KCNIP4: variants seen among roughly 807,000 people sequenced by gnomAD.
The protein encoded by KCNIP4 is potassium voltage-gated channel interacting protein 4.
In KCNIP4, 12 loss-of-function variants were observed where a neutral mutation model predicts 34.0. That is an observed-to-expected ratio of 0.35 (90% CI 0.23 to 0.57). The LOEUF is 0.57. Among genes scored for constraint, KCNIP4 ranks in the 20% least tolerant of loss-of-function variants. The pLI is 0.83. For missense variants in KCNIP4, 238 were observed against 311.7 expected (o/e 0.76, Z 1.78); for synonymous variants, 124 against 102.2 (o/e 1.21, Z -1.29).
chr4:20,921,040 G>T (rs373488606), intron 1 of KCNIP4, among the ~76,000 whole-genome samples: 2 of 152,050 alleles, frequency 1.3e-5, no homozygotes, highest in East Asian at 3.9e-4. Context: ...GGATAGAGGA[G>T]GAATTTGAGT....
chr4:20,756,870 C>G (rs565623953), intron 4 of KCNIP4, among the ~76,000 whole-genome samples: 1 of 152,104 alleles, frequency 6.6e-6, no homozygotes, highest in Admixed American at 6.5e-5. Context: ...GACATGTGTT[C>G]TGGAGTTTCA....
chr4:21,186,426 G>A (rs1005422013), intron 1 of KCNIP4, among the ~76,000 whole-genome samples: 17 of 152,232 alleles, frequency 1.1e-4, no homozygotes, highest in African/African-American at 3.6e-4. Context: ...TAAGAAAGTC[G>A]AAGTAGGGAT....
At chr4:21,384,394 T>C (rs1376983865) in intron 1 of KCNIP4, among the ~76,000 whole-genome samples, 3 of 152,200 alleles carry the variant, frequency 2.0e-5, no homozygotes, top group Non-Finnish European at 4.4e-5. Flanking sequence ...AATAAGTATG[T>C]GTTGAATGAG....
intron 1 of KCNIP4, among the ~76,000 whole-genome samples, chr4:21,339,325 T>A (rs1188557542): frequency 6.6e-6 from 1 of 152,180 alleles, no homozygotes; most frequent in African/African-American, 2.4e-5. Context: ...TTAGAAGAAG[T>A]AACACACGGT....
chr4:21,457,797 C>A (rs1332283208), intron 1 of KCNIP4, among the ~76,000 whole-genome samples: 1 of 151,946 alleles, frequency 6.6e-6, no homozygotes, highest in Non-Finnish European at 1.5e-5. Context: ...GAATGTAGTC[C>A]ATCATTGCTC....
chr4:21,763,019 C>T (rs1218968021), intron 1 of KCNIP4: 4 of 1,288,660 alleles, frequency 3.1e-6, no homozygotes, highest in African/African-American at 1.5e-5. Context: ...ACAGCGAATG[C>T]TCAATAACCG....
At chr4:21,107,788 AG>A (rs1469374781) in intron 1 of KCNIP4, among the ~76,000 whole-genome samples, 1 of 151,428 alleles carries the variant, frequency 6.6e-6, no homozygotes, top group Admixed American at 6.6e-5. Context: ...CTTTTAGGGC[AG>A]GCCTGGTGGT....
chr4:20,869,063 G>A (rs1016162790), intron 2 of KCNIP4, among the ~76,000 whole-genome samples: 1 of 152,130 alleles, frequency 6.6e-6, no homozygotes, highest in Admixed American at 6.6e-5. Context: ...AGATGTTACT[G>A]TGTTGCCTTA....
intron 1 of KCNIP4, among the ~76,000 whole-genome samples, chr4:21,527,472 C>A (rs1736069368): frequency 6.6e-6 from 1 of 152,094 alleles, no homozygotes; most frequent in Non-Finnish European, 1.5e-5. Flanking sequence ...GGACTTGGTT[C>A]AAATTCTGGT....
chr4:21,477,687 G>C (rs150209049), intron 1 of KCNIP4, among the ~76,000 whole-genome samples: 352 of 152,174 alleles, frequency 2.3e-3, no homozygotes, highest in African/African-American at 7.8e-3. Flanking sequence ...TTCTCACCAG[G>C]CTCCCTCAAA....
intron 1 of KCNIP4, among the ~76,000 whole-genome samples, chr4:21,430,925 C>CAA (rs138940163): frequency 6.4e-5 from 9 of 139,616 alleles, no homozygotes; most frequent in African/African-American, 2.4e-4. Flanking sequence ...AAAGACTTTC[C>CAA]AAAAAAAAAA....
intron 1 of KCNIP4, among the ~76,000 whole-genome samples, chr4:21,896,375 G>A (rs1346777300): frequency 1.3e-5 from 2 of 152,160 alleles, no homozygotes; most frequent in Non-Finnish European, 2.9e-5. Flanking sequence ...CAAAGTATAT[G>A]TAAAAATATA....
intron 1 of KCNIP4, chr4:21,582,078 GAAT>G (rs1371064723): frequency 3.3e-5 from 5 of 150,228 alleles, no homozygotes; most frequent in East Asian, 1.9e-4. Context: ...GAATGGAATG[GAAT>G]GGAATGGGAT....
At position 21,376,929 on chromosome 4, in the gene KCNIP4, G is replaced by A. The variant is rs146787021; in HGVS notation, c.62-494220C>T. On this transcript the variant is annotated intron_variant, in intron 1 of 8. Coordinates refer to ENST00000382152, the MANE Select transcript of KCNIP4 (RefSeq NM_025221.6). ...GAGGTTATTTTAAGAACTACTGCTT[G>A]TTTTGTGTCTGAGTAAAGATGGAAT... Among the ~76,000 whole-genome samples, 37 of 152,234 alleles carry A rather than the reference G, an allele frequency of 2.4e-4. No individual in the cohort carries two copies. The East Asian group carries it at 6.9e-3, about 29-fold the overall frequency.
At chr4:21,037,462 C>T (rs542931506) in intron 1 of KCNIP4, among the ~76,000 whole-genome samples, 155 of 152,232 alleles carry the variant, frequency 1.0e-3, no homozygotes, top group African/African-American at 3.3e-3. Context: ...CAATTGCCTG[C>T]GATACTCATA....
intron 1 of KCNIP4, among the ~76,000 whole-genome samples, chr4:21,800,846 A>G (rs1420823738): frequency 2.6e-5 from 4 of 152,184 alleles, no homozygotes; most frequent in Non-Finnish European, 5.9e-5. Flanking sequence ...TGACAAACAT[A>G]AACTCTCCCG....
intron 1 of KCNIP4, among the ~76,000 whole-genome samples, chr4:20,912,240 A>G (rs1728394089): frequency 6.6e-6 from 1 of 152,218 alleles, no homozygotes; most frequent in African/African-American, 2.4e-5. Context: ...AAAAGGAAGA[A>G]GCAAAATTAT....
intron 1 of KCNIP4, among the ~76,000 whole-genome samples, chr4:21,223,930 C>T (rs899116359): frequency 2.0e-5 from 3 of 152,076 alleles, no homozygotes; most frequent in Admixed American, 6.6e-5. Flanking sequence ...TTGGAGGTCA[C>T]GGTTGACCCT....
chr4:21,439,110 C>T lies in KCNIP4; in HGVS notation c.61+509461G>A, dbSNP rs142067162. Among the ~76,000 whole-genome samples the T allele has an allele frequency of 6.1e-3, 907 of 148,622 alleles. 5 individuals carry two copies. Among genetic ancestry groups the T allele is most frequent in the African/African-American group, 0.022 (868 of 40,222 alleles). ...CTGGGAGGCGGAGCTTGCAGTGAGC[C>T]GACATCGCGCCACTGCACTCCAGCA... On this transcript the variant is annotated intron_variant, in intron 1 of 8. Coordinates refer to ENST00000382152, the MANE Select transcript of KCNIP4 (RefSeq NM_025221.6).
Sources: gnomAD v4.1 joint callset for allele counts (sites outside exome capture counted in the v4.1 genomes callset) on GRCh38, gnomAD v4.1.1 for gene constraint, MANE v1.5 for transcripts, NCBI Gene and HGNC (gene_info 2026-07-23, HGNC 2026-07-21) for gene names.